STPG2: variants seen among roughly 807,000 people sequenced by gnomAD.
The protein encoded by STPG2 is sperm tail PG-rich repeat containing 2, also known as sperm-tail PG-rich repeat-containing protein 2.
STPG2 carries 56 observed loss-of-function variants against 54.2 expected under a neutral mutation model. That is an observed-to-expected ratio of 1.03 (90% CI 0.83 to 1.29). The LOEUF is 1.29. Among genes scored for constraint, STPG2 ranks in the 50% most tolerant of loss-of-function variants. STPG2 has a pLI of 0.00. For missense variants in STPG2, 596 were observed against 544.9 expected (o/e 1.09, Z -0.93); for synonymous variants, 200 against 181.8 (o/e 1.10, Z -0.81).
chr4:97,815,975 C>T (rs1295725362), intron 9 of STPG2, among the ~76,000 whole-genome samples: 26 of 152,182 alleles, frequency 1.7e-4, no homozygotes, highest in African/African-American at 5.8e-4. Flanking sequence ...TGGTTTGTTG[C>T]ACCCATCAAC....
intron 8 of STPG2, among the ~76,000 whole-genome samples, chr4:97,883,978 G>A (rs1730471038): frequency 6.6e-6 from 1 of 152,092 alleles, no homozygotes; most frequent in Non-Finnish European, 1.5e-5. Flanking sequence ...GTGGCTGAGA[G>A]GCAAAGATGG....
intron 4 of STPG2, among the ~76,000 whole-genome samples, chr4:97,491,336 C>A (rs973457971): frequency 3.3e-5 from 5 of 151,488 alleles, no homozygotes; most frequent in East Asian, 1.9e-4. Flanking sequence ...TCTTACCTCA[C>A]CCCCACAACA....
intron 5 of STPG2, among the ~76,000 whole-genome samples, chr4:98,099,787 T>A (rs1738972208): frequency 6.6e-6 from 1 of 152,046 alleles, no homozygotes; most frequent in African/African-American, 2.4e-5. Context: ...TCAAAATAAA[T>A]TCTAAAAAAC....
At chr4:97,925,867 G>T (rs1331261359) in intron 8 of STPG2, among the ~76,000 whole-genome samples, 1 of 152,052 alleles carries the variant, frequency 6.6e-6, no homozygotes, top group African/African-American at 2.4e-5. Flanking sequence ...CTGAATCCCA[G>T]CTCCATAAGA....
chr4:97,961,104 A>C (rs1399433213), intron 7 of STPG2, among the ~76,000 whole-genome samples: 1 of 151,772 alleles, frequency 6.6e-6, no homozygotes, highest in East Asian at 1.9e-4. Flanking sequence ...AAAAAAAAAA[A>C]CACCCTATTC....
At chr4:97,730,545 T>C (rs1453624733) in intron 9 of STPG2, among the ~76,000 whole-genome samples, 1 of 152,126 alleles carries the variant, frequency 6.6e-6, no homozygotes, top group Non-Finnish European at 1.5e-5. Context: ...GGTTAAATGG[T>C]AGTTCAACTC....
intron 8 of STPG2, among the ~76,000 whole-genome samples, chr4:97,893,607 A>G (rs1224695876): frequency 6.6e-6 from 1 of 152,052 alleles, no homozygotes; most frequent in African/African-American, 2.4e-5. Context: ...ATTTTCAAGA[A>G]ATTTCTCAGA....
chr4:98,127,278 A>G (rs1197957840), intron 3 of STPG2, among the ~76,000 whole-genome samples: 1 of 152,196 alleles, frequency 6.6e-6, no homozygotes, highest in East Asian at 1.9e-4. Flanking sequence ...ATAGGTATCC[A>G]TTACTATTTT....
chr4:98,054,586 A>C (rs1578817071), intron 5 of STPG2, among the ~76,000 whole-genome samples: 1 of 152,290 alleles, frequency 6.6e-6, no homozygotes, highest in East Asian at 1.9e-4. Context: ...AAAAATTTTA[A>C]TCTTAATAAA....
intron 1 of STPG2, among the ~76,000 whole-genome samples, chr4:98,137,471 A>G (rs1416710592): frequency 4.6e-5 from 7 of 151,930 alleles, no homozygotes; most frequent in South Asian, 4.1e-4. Context: ...TGGCAGATCT[A>G]TTTTTTAACT....
chr4:97,668,278 T>G (rs975645041), intron 10 of STPG2, among the ~76,000 whole-genome samples: 1 of 152,122 alleles, frequency 6.6e-6, no homozygotes, highest in African/African-American at 2.4e-5. Flanking sequence ...CCAGCAGTCC[T>G]CCATAGGAAA....
At chr4:97,595,277 AG>A (rs1232508734) in intron 10 of STPG2, among the ~76,000 whole-genome samples, 1 of 152,224 alleles carries the variant, frequency 6.6e-6, no homozygotes, top group Non-Finnish European at 1.5e-5. Context: ...GCCATAAAAA[AG>A]GATGAGTTCA....
At chr4:97,964,137 A>G (rs1291023530) in intron 7 of STPG2, among the ~76,000 whole-genome samples, 1 of 152,218 alleles carries the variant, frequency 6.6e-6, no homozygotes, top group Non-Finnish European at 1.5e-5. Context: ...AAAACTCCTG[A>G]GTCAGAGACA....
intron 2 of STPG2, among the ~76,000 whole-genome samples, chr4:98,132,235 T>G (rs1740014755): frequency 1.3e-5 from 2 of 152,088 alleles, no homozygotes. Flanking sequence ...TGAAAGTGAC[T>G]ATAGATTTGC....
intron 9 of STPG2, among the ~76,000 whole-genome samples, chr4:97,795,682 C>T (rs1442300880): frequency 6.6e-6 from 1 of 152,170 alleles, no homozygotes; most frequent in Non-Finnish European, 1.5e-5. Flanking sequence ...GTCTTTAAAG[C>T]AGCATGATTT....
intron 9 of STPG2, among the ~76,000 whole-genome samples, chr4:97,737,135 C>T (rs1304173627): frequency 1.3e-5 from 2 of 152,200 alleles, no homozygotes; most frequent in Admixed American, 1.3e-4. Context: ...CTCCAACACA[C>T]CTGCAGCGGA....
chr4:97,675,533 T>C (rs1479852373), intron 10 of STPG2, among the ~76,000 whole-genome samples: 2 of 152,134 alleles, frequency 1.3e-5, no homozygotes, highest in African/African-American at 2.4e-5. Context: ...AAGCAACATA[T>C]TCCAAATTTG....
intron 9 of STPG2, among the ~76,000 whole-genome samples, chr4:97,716,722 G>T (rs893200929): frequency 6.6e-6 from 1 of 151,322 alleles, no homozygotes; most frequent in Non-Finnish European, 1.5e-5. Flanking sequence ...AAGGCTAGGG[G>T]AGGGATAATA....
intron 10 of STPG2, among the ~76,000 whole-genome samples, chr4:97,627,860 C>T (rs570804208): frequency 2.0e-5 from 3 of 151,864 alleles, no homozygotes; most frequent in Non-Finnish European, 4.4e-5. Context: ...TTCTGAGAAA[C>T]GGGGCTGATG....
Sources: gnomAD v4.1 joint callset for allele counts (sites outside exome capture counted in the v4.1 genomes callset) on GRCh38, gnomAD v4.1.1 for gene constraint, MANE v1.5 for transcripts, NCBI Gene and HGNC (gene_info 2026-07-23, HGNC 2026-07-21) for gene names.